Variants in CCNY observed in about 807,000 individuals in gnomAD.
The protein encoded by CCNY is cyclin Y.
CCNY carries 19 observed loss-of-function variants against 42.8 expected under a neutral mutation model. The ratio of observed to expected loss-of-function variants is 0.44; its 90% CI spans 0.31 to 0.65. CCNY has a LOEUF of 0.65. Ranked by LOEUF, CCNY falls within the 30% of genes least tolerant of loss-of-function variation. CCNY has a pLI of 0.07. For synonymous variants in CCNY, 165 were observed against 162.7 expected (o/e 1.01, Z -0.11); for missense variants, 370 against 437.3 (o/e 0.85, Z 1.37).
At chr10:35,436,823 A>G (rs925284679) in intron 1 of CCNY, among the ~76,000 whole-genome samples, 1 of 152,076 alleles carries the variant, frequency 6.6e-6, no homozygotes, top group Non-Finnish European at 1.5e-5. Context: ...TTACAGGTTC[A>G]TGATCTATAA....
At chr10:35,293,952 G>A (rs1211269478) in intron 3 of CCNY, among the ~76,000 whole-genome samples, 14 of 151,830 alleles carry the variant, frequency 9.2e-5, no homozygotes, top group Non-Finnish European at 1.8e-4. Context: ...CACCACACTC[G>A]GCTACTTTTT....
chr10:35,272,323 C>T (rs891535068), intron 3 of CCNY, among the ~76,000 whole-genome samples: 1 of 150,828 alleles, frequency 6.6e-6, no homozygotes, highest in Admixed American at 6.6e-5. Context: ...TTCAGGGGTA[C>T]ATGTGCAGGT....
intron 4 of CCNY, among the ~76,000 whole-genome samples, chr10:35,518,526 G>C (rs1339469725): frequency 7.2e-6 from 1 of 138,680 alleles, no homozygotes; most frequent in Non-Finnish European, 1.6e-5. Flanking sequence ...GAATCTGGCT[G>C]AGGTAAATTG....
intron 1 of CCNY, among the ~76,000 whole-genome samples, chr10:35,453,310 AC>A (rs1157490296): frequency 6.6e-6 from 1 of 152,218 alleles, no homozygotes; most frequent in African/African-American, 2.4e-5. Flanking sequence ...AATGTATTGA[AC>A]TGTTTATAAA....
chr10:35,295,127 C>T (rs1179634500), intron 3 of CCNY, among the ~76,000 whole-genome samples: 5 of 151,904 alleles, frequency 3.3e-5, no homozygotes, highest in Non-Finnish European at 7.4e-5. Context: ...TGCACTCCAG[C>T]CTGGGCAACA....
intron 3 of CCNY, among the ~76,000 whole-genome samples, chr10:35,512,477 G>A (rs1254602605): frequency 1.3e-5 from 2 of 152,158 alleles, no homozygotes; most frequent in Non-Finnish European, 2.9e-5. Flanking sequence ...AAAGATGGGG[G>A]AAAGCAAGGA....
intron 7 of CCNY, among the ~76,000 whole-genome samples, chr10:35,539,980 C>G (rs1840965757): frequency 6.6e-6 from 1 of 152,116 alleles, no homozygotes; most frequent in Non-Finnish European, 1.5e-5. Flanking sequence ...TCAGTAGATT[C>G]TTTAGAATGT....
chr10:35,393,735 G>A (rs1320487450), intron 1 of CCNY, among the ~76,000 whole-genome samples: 3 of 152,130 alleles, frequency 2.0e-5, no homozygotes, highest in East Asian at 3.9e-4. Context: ...CATGGCGAAG[G>A]CATCATTGGA....
chr10:35,319,488 CA>C (rs1835797293), intron 3 of CCNY, among the ~76,000 whole-genome samples: 1 of 151,770 alleles, frequency 6.6e-6, no homozygotes, highest in Non-Finnish European at 1.5e-5. Flanking sequence ...GACATTAAAA[CA>C]AAAAAAGATT....
rs374518669 is a variant in CCNY, at chr10:35,529,864, C to T, written c.402-109C>T. 3.0e-3 allele frequency: 3,101 copies of T among 1,037,510 alleles called. 10 individuals carry two copies. The highest frequency in any genetic ancestry group is 3.0e-3 in the Non-Finnish European group (2,104 of 698,784). 64.3% of individuals were successfully genotyped at this position (1,037,510 alleles called of 1,614,324 possible). A position where few individuals can be genotyped will look rare whatever the true frequency, so the allele number is the denominator to read the frequency against. On this transcript the variant is annotated intron_variant, in intron 5 of 9. Coordinates refer to ENST00000374704, the MANE Select transcript of CCNY (RefSeq NM_145012.6). ...CAGCCTGGGCAACAGAGTGAGACTC[C>T]GTATCCCAAAAAAAAAAAAAAAGTC... is the stretch of plus-strand genomic sequence containing the variant.
At chr10:35,326,545 A>G (rs1835882387) in intron 3 of CCNY, among the ~76,000 whole-genome samples, 1 of 152,206 alleles carries the variant, frequency 6.6e-6, no homozygotes, top group Non-Finnish European at 1.5e-5. Context: ...CTTTTAGTCT[A>G]AGAGCTAGGA....
At chr10:35,410,241 C>T (rs990811288) in intron 1 of CCNY, among the ~76,000 whole-genome samples, 11 of 151,868 alleles carry the variant, frequency 7.2e-5, no homozygotes, top group African/African-American at 2.2e-4. Context: ...AATAGTTTTA[C>T]GTTTCAAACA....
At chr10:35,421,187 G>A (rs1838152413) in intron 1 of CCNY, among the ~76,000 whole-genome samples, 1 of 152,228 alleles carries the variant, frequency 6.6e-6, no homozygotes, top group South Asian at 2.1e-4. Flanking sequence ...CTCAGGTGTT[G>A]TTCCTGGATC....
At chr10:35,364,863 T>C (rs1836775433) in intron 1 of CCNY, among the ~76,000 whole-genome samples, 1 of 152,232 alleles carries the variant, frequency 6.6e-6, no homozygotes, top group African/African-American at 2.4e-5. Flanking sequence ...GGGAAATGGT[T>C]CTAAGTGAGA....
At chr10:35,346,895 G>C (rs1401379710) in intron 1 of CCNY, among the ~76,000 whole-genome samples, 7 of 152,250 alleles carry the variant, frequency 4.6e-5, no homozygotes, top group Non-Finnish European at 5.9e-5. Context: ...CCAAAGTGCT[G>C]GGATTATAGG....
chr10:35,424,710 G>A (rs1452452702), intron 1 of CCNY, among the ~76,000 whole-genome samples: 3 of 151,996 alleles, frequency 2.0e-5, no homozygotes, highest in Admixed American at 6.6e-5. Context: ...GCCTAGTCTT[G>A]CAACTCCTAA....
At chr10:35,296,704 G>C (rs550231563) in intron 3 of CCNY, among the ~76,000 whole-genome samples, 1 of 152,276 alleles carries the variant, frequency 6.6e-6, no homozygotes, top group Admixed American at 6.5e-5. Context: ...AGAAAATCTA[G>C]AAGAAATGGA....
At chr10:35,502,991 A>G (rs1198442250) in intron 3 of CCNY, among the ~76,000 whole-genome samples, 2 of 152,094 alleles carry the variant, frequency 1.3e-5, no homozygotes, top group African/African-American at 4.8e-5. Context: ...AAAGAGGAGG[A>G]TAGGAGTTTG....
At chr10:35,419,439 A>G (rs1838106142) in intron 1 of CCNY, among the ~76,000 whole-genome samples, 1 of 151,986 alleles carries the variant, frequency 6.6e-6, no homozygotes, top group Admixed American at 6.6e-5. Flanking sequence ...AGGAAGGCTG[A>G]CGGGAGAAAA....
Sources: gnomAD v4.1 joint callset for allele counts (sites outside exome capture counted in the v4.1 genomes callset) on GRCh38, gnomAD v4.1.1 for gene constraint, MANE v1.5 for transcripts, NCBI Gene and HGNC (gene_info 2026-07-23, HGNC 2026-07-21) for gene names.